CACNA1C: variants seen among roughly 807,000 people sequenced by gnomAD.
The protein encoded by CACNA1C is calcium voltage-gated channel subunit alpha1 C.
Under a neutral mutation model 229.0 loss-of-function variants are expected in CACNA1C, and 30 were observed. The ratio of observed to expected loss-of-function variants is 0.13; its 90% CI spans 0.10 to 0.18. The LOEUF (loss-of-function observed/expected upper bound fraction) is 0.18. Ranked by LOEUF, CACNA1C falls within the 10% of genes least tolerant of loss-of-function variation. The pLI, the probability that CACNA1C is intolerant of heterozygous loss-of-function variation, is 1.00. For missense variants in CACNA1C, 1,658 were observed against 2,845.0 expected (o/e 0.58, Z 9.49); for synonymous variants, 1,114 against 1,132.5 (o/e 0.98, Z 0.33).
rs2069609046 is a variant in CACNA1C at position 2,089,848 on chromosome 12, C to CA, written c.50-25375dup. Among the ~76,000 whole-genome samples the CA allele has an allele frequency of 3.4e-5, 5 of 146,952 alleles. No individual in the cohort carries two copies. In the South Asian group the frequency reaches 1.1e-3, roughly 33 times the overall value. On this transcript the variant is annotated intron_variant, in intron 1 of 46. Transcript: ENST00000399655. ...GGGAGATCGAGACCAGCCTGGCCAA[C>CA]ATAGTGAAACCCCTACTAAAAATAC...
intron 3 of CACNA1C, among the ~76,000 whole-genome samples, chr12:2,408,994 GGTGTGTTGACTAGTGCCACTCATAATCA>G (rs1383434693): frequency 5.9e-5 from 9 of 152,016 alleles, no homozygotes; most frequent in African/African-American, 1.9e-4. Flanking sequence ...ACTAATCCCA[GGTGTGTTGACTAGTGCCACTCATAATCA>G]CATTAGTTTA....
At position 2,597,515 on chromosome 12, in the gene CACNA1C, T is replaced by C; in HGVS notation, c.2853+226T>C. Reference sequence around the variant, plus strand: ...CCTTAAGGTAATGCAACCTGGGCAATGCATCCTCTGTCGCTTTCTTTGTCT... The same window carrying C: ...CCTTAAGGTAATGCAACCTGGGCAACGCATCCTCTGTCGCTTTCTTTGTCT... On this transcript the variant is annotated intron_variant, in intron 21 of 46. Coordinates refer to ENST00000399655, the MANE Select transcript of CACNA1C (RefSeq NM_000719.7). This position sits in a 1 kb window ranked among gnomAD's most constrained non-coding sequence, Gnocchi z 4.3. 1.4e-6 allele frequency: 2 copies of C among 1,476,882 alleles called. No homozygotes were observed. The highest frequency in any genetic ancestry group is 1.9e-6 in the Non-Finnish European group (2 of 1,054,902). The allele number at this position is 1,476,882 out of a possible 1,614,324, so 91.5% of individuals were successfully genotyped here.
At chr12:2,623,140 G>GA (rs1264602076) in intron 29 of CACNA1C, among the ~76,000 whole-genome samples, 4 of 152,014 alleles carry the variant, frequency 2.6e-5, no homozygotes, top group South Asian at 2.1e-4. Flanking sequence ...GTTGCCTGAA[G>GA]AAAAAAAAGT....
chr12:2,437,312 G>A (rs1246978447), intron 3 of CACNA1C, among the ~76,000 whole-genome samples: 1 of 152,156 alleles, frequency 6.6e-6, no homozygotes, highest in African/African-American at 2.4e-5. Flanking sequence ...GGCATTCAGT[G>A]TAGCCCCAAC....
Position 2,512,798 on chromosome 12 carries a change from C to T in CACNA1C, c.1218-14C>T. The T allele has an allele frequency of 6.2e-7, 1 of 1,601,710 alleles. No individual in the cohort carries two copies. Among genetic ancestry groups the T allele is most frequent in the Non-Finnish European group, 8.5e-7 (1 of 1,173,394 alleles). On this transcript the variant is annotated splice_polypyrimidine_tract_variant and intron_variant, in intron 8 of 46. Transcript: ENST00000399655. This position sits in a 1 kb window ranked among gnomAD's most constrained non-coding sequence, Gnocchi z 4.3. ...TGTGCTCTCCTGCCCTGCCCCTCCT[C>T]TCACTCTCACCAGAGAGTTTTCCAA...
chr12:2,135,631 T>C (rs1281139779), intron 3 of CACNA1C, among the ~76,000 whole-genome samples: 1 of 140,274 alleles, frequency 7.1e-6, no homozygotes. Flanking sequence ...GGGTCAGGGG[T>C]CAGGGACCCA....
intron 3 of CACNA1C, among the ~76,000 whole-genome samples, chr12:2,320,697 TCTCTC>T (rs2095940316): frequency 6.6e-6 from 1 of 152,216 alleles, no homozygotes; most frequent in Non-Finnish European, 1.5e-5. Flanking sequence ...GGCCACCTCT[TCTCTC>T]CTCCCTTTCT....
At chr12:2,116,996 C>T (rs1380783054) in intron 2 of CACNA1C, among the ~76,000 whole-genome samples, 2 of 152,182 alleles carry the variant, frequency 1.3e-5, no homozygotes, top group African/African-American at 2.4e-5. Context: ...AGGCCAGGTG[C>T]GGTGGCTCAC....
chr12:2,046,941 C>T (rs1394002588), intron 1 of CACNA1C, among the ~76,000 whole-genome samples: 1 of 152,106 alleles, frequency 6.6e-6, no homozygotes. Flanking sequence ...AAGGCCTCAG[C>T]GTTATTATGG....
intron 3 of CACNA1C, among the ~76,000 whole-genome samples, chr12:2,360,993 C>T (rs147908981): frequency 2.0e-5 from 3 of 152,148 alleles, no homozygotes; most frequent in African/African-American, 7.2e-5. Flanking sequence ...TGGCAGCATA[C>T]CAAACTACAG....
At chr12:2,157,690 G>A (rs1042128723) in intron 3 of CACNA1C, among the ~76,000 whole-genome samples, 1 of 152,220 alleles carries the variant, frequency 6.6e-6, no homozygotes, top group African/African-American at 2.4e-5. Context: ...TGTCCCATCA[G>A]TTTTTGGTGG....
In CACNA1C at chr12:2,595,800, G is replaced by A. The variant is rs2067889834; in HGVS notation, c.2664-74G>A. 1 of 1,466,094 alleles carries A rather than the reference G, an allele frequency of 6.8e-7. No individual in the cohort carries two copies. Among genetic ancestry groups the A allele is most frequent in the South Asian group, 1.2e-5 (1 of 80,380 alleles). The allele number at this position is 1,466,094 out of a possible 1,614,324, so 90.8% of individuals were successfully genotyped here. A position where few individuals can be genotyped will look rare whatever the true frequency, so the allele number is the denominator to read the frequency against. ...CTGCTGGGGAGAGCTGAGGAGAGGG[G>A]CTCCCAAGAGCCGACTGGTGCTTCC... On this transcript the variant is annotated intron_variant, in intron 19 of 46. Coordinates refer to ENST00000399655, the MANE Select transcript of CACNA1C (RefSeq NM_000719.7). This position sits in a 1 kb window ranked among gnomAD's most constrained non-coding sequence, Gnocchi z 4.1.
At chr12:2,624,845 G>A (rs563158341) in intron 29 of CACNA1C, among the ~76,000 whole-genome samples, 1 of 152,294 alleles carries the variant, frequency 6.6e-6, no homozygotes, top group East Asian at 1.9e-4. Flanking sequence ...GAAATCCCTA[G>A]GTAGAGAAAT....
intron 34 of CACNA1C, chr12:2,660,128 A>C (rs909470367): frequency 6.6e-6 from 1 of 152,480 alleles, no homozygotes; most frequent in African/African-American, 2.4e-5. Context: ...CCTATGAAGC[A>C]GTGTGTCCTG....
At chr12:1,989,535 G>A (rs1198498459) in intron 1 of CACNA1C, among the ~76,000 whole-genome samples, 2 of 152,322 alleles carry the variant, frequency 1.3e-5, no homozygotes, top group South Asian at 4.1e-4. Flanking sequence ...CCAACACGGT[G>A]AAACCCTGTC....
chr12:2,093,527 C>G (rs2072347857), intron 1 of CACNA1C, among the ~76,000 whole-genome samples: 1 of 152,218 alleles, frequency 6.6e-6, no homozygotes, highest in South Asian at 2.1e-4. Flanking sequence ...TCCACGCTGG[C>G]AACATGTGTT....
chr12:2,677,939 T>C lies in CACNA1C; in HGVS notation c.5091+72T>C. ...GGAGCAAGAGGTTGGGCTGGGGTTT[T>C]GCGGGGAACGTCCAGGGGAAGGAGC... On this transcript the variant is annotated intron_variant, in intron 41 of 46. Coordinates refer to ENST00000399655, the MANE Select transcript of CACNA1C (RefSeq NM_000719.7). The surrounding 1 kb of genome is among the most constrained non-coding windows in gnomAD (Gnocchi z 7.4). The C allele has an allele frequency of 6.4e-7, 1 of 1,567,132 alleles. No individual in the cohort carries two copies.
intron 4 of CACNA1C, among the ~76,000 whole-genome samples, chr12:2,450,397 A>G (rs942216463): frequency 3.3e-5 from 5 of 151,782 alleles, no homozygotes; most frequent in Admixed American, 3.3e-4. Flanking sequence ...TACTAAAAAT[A>G]CAAAAACTTA....
chr12:2,450,280 C>A (rs556907180), intron 4 of CACNA1C, among the ~76,000 whole-genome samples: 4 of 152,206 alleles, frequency 2.6e-5, no homozygotes, highest in East Asian at 3.9e-4. Flanking sequence ...TGAGGTCAGG[C>A]GCGGTGGCTC....
Sources: gnomAD v4.1 joint callset for allele counts (sites outside exome capture counted in the v4.1 genomes callset) on GRCh38, gnomAD v4.1.1 for gene constraint, Gnocchi (gnomAD v3.1) non-coding constraint, MANE v1.5 for transcripts, NCBI Gene and HGNC (gene_info 2026-07-23, HGNC 2026-07-21) for gene names.